Variants in SORCS2 observed in about 807,000 individuals in gnomAD.
The protein encoded by SORCS2 is VPS10 domain-containing receptor SorCS2.
In SORCS2, 100 loss-of-function variants were observed where a neutral mutation model predicts 141.6. The ratio of observed to expected loss-of-function variants is 0.71; its 90% CI spans 0.60 to 0.83. The LOEUF is 0.83. Among genes scored for constraint, SORCS2 ranks in the 40% least tolerant of loss-of-function variants. SORCS2 has a pLI of 0.00. For missense variants in SORCS2, 1,646 were observed against 1,560.2 expected (o/e 1.05, Z -0.93); for synonymous variants, 789 against 676.9 (o/e 1.17, Z -2.57).
intron 7 of SORCS2, among the ~76,000 whole-genome samples, chr4:7,665,032 G>T (rs890230112): frequency 6.6e-6 from 1 of 152,162 alleles, no homozygotes; most frequent in Non-Finnish European, 1.5e-5. Context: ...CCCGTCACTG[G>T]CCTGTTTCTT....
intron 1 of SORCS2, among the ~76,000 whole-genome samples, chr4:7,272,184 A>AGCCTGG (rs1715188900): frequency 6.6e-6 from 1 of 152,202 alleles, no homozygotes; most frequent in Non-Finnish European, 1.5e-5. Flanking sequence ...TCATTACGAT[A>AGCCTGG]AGATAGTATT....
At chr4:7,374,581 C>G (rs1194569285) in intron 1 of SORCS2, among the ~76,000 whole-genome samples, 2 of 152,232 alleles carry the variant, frequency 1.3e-5, no homozygotes, top group Admixed American at 1.3e-4. Context: ...TAGCCAAACT[C>G]ACCTTTGTCT....
intron 2 of SORCS2, among the ~76,000 whole-genome samples, chr4:7,446,584 G>A (rs73086371): frequency 0.033 from 4,976 of 152,268 alleles, 233 homozygotes; most frequent in African/African-American, 0.11. Context: ...GACTGAGCCT[G>A]CTCCTTTGTC....
At chr4:7,297,529 C>T (rs978635655) in intron 1 of SORCS2, among the ~76,000 whole-genome samples, 1 of 152,192 alleles carries the variant, frequency 6.6e-6, no homozygotes, top group African/African-American at 2.4e-5. Context: ...ATGCCCTGCC[C>T]CCTGCTGAGT....
chr4:7,613,313 A>G (rs1486967380), intron 3 of SORCS2, among the ~76,000 whole-genome samples: 1 of 152,246 alleles, frequency 6.6e-6, no homozygotes, highest in African/African-American at 2.4e-5. Context: ...AATGAGACAG[A>G]TGAGAGTGAT....
At chr4:7,654,600 G>C (rs918843696) in intron 5 of SORCS2, among the ~76,000 whole-genome samples, 1 of 152,134 alleles carries the variant, frequency 6.6e-6, no homozygotes, top group African/African-American at 2.4e-5. Flanking sequence ...CCACCACTCC[G>C]CACTCCCTGC....
At chr4:7,236,578 T>C (rs1253475345) in intron 1 of SORCS2, among the ~76,000 whole-genome samples, 2 of 152,152 alleles carry the variant, frequency 1.3e-5, no homozygotes, top group African/African-American at 4.8e-5. Flanking sequence ...ACCATGGTTT[T>C]ATTATTTATT....
intron 3 of SORCS2, among the ~76,000 whole-genome samples, chr4:7,582,649 T>A (rs929204343): frequency 5.4e-4 from 82 of 150,476 alleles, no homozygotes; most frequent in Middle Eastern, 3.4e-3. Flanking sequence ...AAAAAATAAA[T>A]AAATAAAACA....
chr4:7,543,651 TCCATCCAC>T (rs1712911250), intron 3 of SORCS2, among the ~76,000 whole-genome samples: 1 of 99,518 alleles, frequency 1.0e-5, no homozygotes, highest in Non-Finnish European at 2.2e-5. Context: ...CATCCGTCCA[TCCATCCAC>T]CCACCCATCC....
At chr4:7,611,646 G>T (rs577267676) in intron 3 of SORCS2, among the ~76,000 whole-genome samples, 4 of 152,204 alleles carry the variant, frequency 2.6e-5, no homozygotes, top group African/African-American at 9.7e-5. Flanking sequence ...CCACGTAGCC[G>T]CAGGTAAAAC....
intron 8 of SORCS2, among the ~76,000 whole-genome samples, chr4:7,668,819 T>G (rs1722644598): frequency 6.6e-6 from 1 of 152,068 alleles, no homozygotes. Context: ...GGCTACAGCA[T>G]TAGAAGCTCC....
At chr4:7,278,404 G>C (rs1715652684) in intron 1 of SORCS2, among the ~76,000 whole-genome samples, 1 of 152,172 alleles carries the variant, frequency 6.6e-6, no homozygotes, top group African/African-American at 2.4e-5. Context: ...TTTTGTGAGA[G>C]GGGGTGGGGG....
At chr4:7,647,497 C>T (rs1168343551) in intron 4 of SORCS2, among the ~76,000 whole-genome samples, 1 of 152,176 alleles carries the variant, frequency 6.6e-6, no homozygotes, top group Non-Finnish European at 1.5e-5. Flanking sequence ...GACACCTTTG[C>T]CAGGACAGTT....
chr4:7,738,576 T>C (rs1265406901), intron 26 of SORCS2, among the ~76,000 whole-genome samples: 1 of 152,034 alleles, frequency 6.6e-6, no homozygotes, highest in Non-Finnish European at 1.5e-5. Context: ...TGCGGTAGCT[T>C]CTGGAGCAGA....
At position 7,424,838 on chromosome 4, in the gene SORCS2, G is replaced by C. The variant is rs186830721; in HGVS notation, c.548+28483G>C. Reference sequence around the variant, plus strand: ...AAGGAAGGCTGCCCAGTGAGTGCGTGTTGGGGCCTGCCCTAAAATCAAGGC... The same window carrying C: ...AAGGAAGGCTGCCCAGTGAGTGCGTCTTGGGGCCTGCCCTAAAATCAAGGC... On this transcript the variant is annotated intron_variant, in intron 2 of 26. Transcript: ENST00000507866. 4.8e-3 allele frequency among the ~76,000 whole-genome samples: 734 copies of C among 152,348 alleles called. 4 individuals are homozygous for C. Among genetic ancestry groups the C allele is most frequent in the African/African-American group, 0.017 (687 of 41,596 alleles).
chr4:7,357,685 C>T (rs996955241), intron 1 of SORCS2, among the ~76,000 whole-genome samples: 2 of 152,094 alleles, frequency 1.3e-5, no homozygotes, highest in Admixed American at 1.3e-4. Flanking sequence ...AAATACCTTT[C>T]TTGGTTGAGA....
intron 1 of SORCS2, among the ~76,000 whole-genome samples, chr4:7,260,536 T>C: frequency 6.6e-6 from 1 of 152,216 alleles, no homozygotes; most frequent in South Asian, 2.1e-4. Flanking sequence ...GTGGAATGAA[T>C]GAATGAATGA....
chr4:7,392,901 G>C (rs964689957), intron 1 of SORCS2, among the ~76,000 whole-genome samples: 9 of 58,926 alleles, frequency 1.5e-4, no homozygotes, highest in Admixed American at 4.6e-4. Context: ...TCCCAGTCGG[G>C]GGGGGGGGGG....
chr4:7,524,023 TAG>T (rs1467401641), intron 2 of SORCS2, among the ~76,000 whole-genome samples: 3 of 152,198 alleles, frequency 2.0e-5, no homozygotes, highest in South Asian at 4.1e-4. Context: ...TTTAATGAAG[TAG>T]GCAGGTGAGG....
Sources: gnomAD v4.1 joint callset for allele counts (sites outside exome capture counted in the v4.1 genomes callset) on GRCh38, gnomAD v4.1.1 for gene constraint, MANE v1.5 for transcripts, NCBI Gene and HGNC (gene_info 2026-07-23, HGNC 2026-07-21) for gene names.